Variants in CCDC88A observed in about 807,000 individuals in gnomAD.
CCDC88A encodes coiled-coil and HOOK domain protein 88A.
In CCDC88A, 54 loss-of-function variants were observed where a neutral mutation model predicts 234.3. That is an observed-to-expected ratio of 0.23 (90% CI 0.19 to 0.29). The LOEUF is 0.29. Ranked by LOEUF, CCDC88A falls within the 10% of genes least tolerant of loss-of-function variation. CCDC88A has a pLI of 1.00. For synonymous variants in CCDC88A, 753 were observed against 737.8 expected, an observed-to-expected ratio of 1.02 and a Z score of -0.33; for missense variants, 1,832 against 2,123.4, an observed-to-expected ratio of 0.86 and a Z score of 2.70.
chr2:55,397,787 C>T (rs12476548), intron 2 of CCDC88A, among the ~76,000 whole-genome samples: 76,756 of 151,856 alleles, frequency 0.51, 21,485 homozygotes, highest in Admixed American at 0.63. Flanking sequence ...TCTACAGTCG[C>T]TGCATACAGC....
chr2:55,387,785 AAAAAAAAAAAAAAAG>A (rs1358103464), intron 3 of CCDC88A, among the ~76,000 whole-genome samples: 1 of 150,626 alleles, frequency 6.6e-6, no homozygotes, highest in Non-Finnish European at 1.5e-5. Flanking sequence ...ATCTCAAAAA[AAAAAAAAAAAAAAAG>A]AAAAAGAAAA....
At chr2:55,385,848 A>G (rs6705104) in intron 3 of CCDC88A, among the ~76,000 whole-genome samples, 85,267 of 105,028 alleles carry the variant, frequency 0.81, 34,925 homozygotes, top group Admixed American at 0.89. Flanking sequence ...GTGAAACTCC[A>G]TGTCAAAAAA....
chr2:55,319,051 C>A (rs772743732), intron 18 of CCDC88A, 47 bp from the exon 19 acceptor site: 14 of 1,500,542 alleles, frequency 9.3e-6, no homozygotes, highest in Non-Finnish European at 1.3e-5. Context: ...ATAATGGCAA[C>A]ATCAAATATG....
intron 22 of CCDC88A, chr2:55,315,355 C>T (rs190441143): frequency 6.6e-6 from 1 of 152,354 alleles, no homozygotes; most frequent in East Asian, 1.9e-4. Flanking sequence ...CCTCAGACAA[C>T]CACAGTTCCT....
chr2:55,296,622 A>G (rs1284186457), intron 29 of CCDC88A, 99 bp from the exon 30 acceptor site: 1 of 1,136,926 alleles, frequency 8.8e-7, no homozygotes, highest in East Asian at 2.4e-5. Flanking sequence ...TTATATGAAC[A>G]GCCAAATTTA....
intron 5 of CCDC88A, among the ~76,000 whole-genome samples, chr2:55,369,372 T>C (rs1430063648): frequency 6.6e-6 from 1 of 151,958 alleles, no homozygotes; most frequent in Admixed American, 6.6e-5. Context: ...AATCCAGTCC[T>C]TCATAACTCA....
chr2:55,298,387 A>C (rs529644230), intron 29 of CCDC88A, among the ~76,000 whole-genome samples: 1 of 152,264 alleles, frequency 6.6e-6, no homozygotes, highest in Non-Finnish European at 1.5e-5. Context: ...CAAATGAAGT[A>C]GTGGGAGTGG....
At chr2:55,382,470 A>G (rs1674751708) in intron 3 of CCDC88A, among the ~76,000 whole-genome samples, 1 of 152,204 alleles carries the variant, frequency 6.6e-6, no homozygotes, top group African/African-American at 2.4e-5. Flanking sequence ...ACTGCGGCCA[A>G]TATAGTCACA....
At chr2:55,291,477 A>T in intron 32 of CCDC88A, 199 bp downstream of exon 32, 1 of 359,888 alleles carries the variant, frequency 2.8e-6, no homozygotes, top group Admixed American at 4.6e-5. Flanking sequence ...TTAAAAAAAA[A>T]TACTTGTTCC....
At chr2:55,378,088 A>G (rs1385035284) in intron 3 of CCDC88A, among the ~76,000 whole-genome samples, 1 of 152,182 alleles carries the variant, frequency 6.6e-6, no homozygotes, top group Non-Finnish European at 1.5e-5. Flanking sequence ...GTAACATTCT[A>G]TGTTGGTACA....
At chr2:55,418,107 CCTA>C (rs543775777) in intron 2 of CCDC88A, 81 of 152,252 alleles carry the variant, frequency 5.3e-4, no homozygotes, top group African/African-American at 1.8e-3. Context: ...AGCATACTTT[CCTA>C]CTTAGTACAA....
At position 55,335,041 on chromosome 2, in the gene CCDC88A, C is replaced by G. The variant is rs149332952; in HGVS notation, c.1780G>C (p.Glu594Gln). ...DIEKENKILH[E>Q]SIKETSSKLS... The stretch of plus-strand genomic sequence containing the variant: ...TTGCTACTTGTTTCTTTGATAGATT[C>G]ATGAAGAATTTTGTTTTCTTTTTCA... The change falls in exon 15 of 33, where the codon GAA (glutamate) becomes CAA (glutamine). Residue 594 changes from glutamate (E) to glutamine (Q), a missense_variant. Physicochemically the swap from Glu to Gln is conservative, Grantham distance 29. Around this residue, in one of 6 missense-constraint regions of CCDC88A, gnomAD observed 1,282 missense variants for 1,543.6 expected, o/e 0.83. Coordinates refer to ENST00000436346, the MANE Select transcript of CCDC88A (RefSeq NM_001365480.1). The surrounding 1 kb of genome is among the most constrained non-coding windows in gnomAD (Gnocchi z 4.5). The G allele has an allele frequency of 3.4e-5, 55 of 1,610,684 alleles. No homozygotes were observed. Among genetic ancestry groups the G allele is most frequent in the Non-Finnish European group, 4.2e-5 (50 of 1,178,056 alleles).
chr2:55,381,199 C>T (rs1171914708), intron 3 of CCDC88A, among the ~76,000 whole-genome samples: 2 of 152,162 alleles, frequency 1.3e-5, no homozygotes, highest in African/African-American at 4.8e-5. Flanking sequence ...ATATCATCTA[C>T]ATTTGTGTAA....
chr2:55,418,626 G>A, intron 2 of CCDC88A, 190 bp downstream of exon 2: 1 of 585,798 alleles, frequency 1.7e-6, no homozygotes. Context: ...AATTTTAACA[G>A]GTAAAATATC....
At chr2:55,305,024 C>G (rs1681377435) in intron 25 of CCDC88A, among the ~76,000 whole-genome samples, 1 of 152,138 alleles carries the variant, frequency 6.6e-6, no homozygotes, top group African/African-American at 2.4e-5. Context: ...TTCATTTAAG[C>G]TTTTAGTTTG....
intron 3 of CCDC88A, among the ~76,000 whole-genome samples, chr2:55,387,672 C>T (rs942770039): frequency 9.3e-5 from 14 of 150,540 alleles, no homozygotes; most frequent in African/African-American, 2.5e-5. Context: ...GTCCCAGCTA[C>T]TCAGGAGTCT....
intron 3 of CCDC88A, among the ~76,000 whole-genome samples, chr2:55,383,521 G>A (rs905860725): frequency 1.3e-5 from 2 of 151,612 alleles, no homozygotes; most frequent in African/African-American, 2.4e-5. Flanking sequence ...TACTCAGGAA[G>A]CCGAGGCAGG....
intron 13 of CCDC88A, chr2:55,339,259 A>G (rs2104704466): frequency 2.0e-6 from 1 of 510,740 alleles, no homozygotes; most frequent in South Asian, 3.2e-5. Context: ...GCACCTGGCC[A>G]AGATCAGCTA....
At position 55,332,240 on chromosome 2, in the gene CCDC88A, T is replaced by A. The variant is rs1483772557; in HGVS notation, c.2855+326A>T. On this transcript the variant is annotated intron_variant, in intron 16 of 32. Transcript: ENST00000436346. The surrounding 1 kb of genome is among the most constrained non-coding windows in gnomAD (Gnocchi z 4.5). ...TTCAAGCAATTCTCCTGCCTCAGCG[T>A]CCTGAGTAGCTGGAATTACAGGCAT... is the stretch of plus-strand genomic sequence containing the variant. 1 of 158,060 alleles carries A rather than the reference T, an allele frequency of 6.3e-6. No individual in the cohort carries two copies. Among genetic ancestry groups the A allele is most frequent in the Non-Finnish European group, 1.4e-5 (1 of 72,442 alleles). The allele number at this position is 158,060 out of a possible 1,614,324, so 9.8% of individuals were successfully genotyped here.
Sources: allele counts gnomAD v4.1 joint callset (sites outside exome capture counted in the v4.1 genomes callset), GRCh38; gene constraint gnomAD v4.1.1; regional missense constraint gnomAD v4.1.1; non-coding constraint Gnocchi (gnomAD v3.1); transcripts MANE v1.5; gene names NCBI Gene and HGNC (gene_info 2026-07-23, HGNC 2026-07-21).